NRXN3: variants seen among roughly 807,000 people sequenced by gnomAD.
NRXN3 encodes the protein neurexin 3, also known as neurexin III.
A neutral mutation model predicts 137.6 loss-of-function variants in NRXN3; 32 were observed. The ratio of observed to expected loss-of-function variants is 0.23; its 90% confidence interval spans 0.18 to 0.31. The LOEUF is 0.31. NRXN3 is among the 10% of genes least tolerant of loss of function. NRXN3 has a pLI of 1.00. For missense variants in NRXN3, 1,574 were observed against 2,062.5 expected (o/e 0.76, Z 4.59); for synonymous variants, 798 against 784.5 (o/e 1.02, Z -0.29).
In NRXN3 at chr14:79,663,248, G is replaced by A. The variant is rs543613954; in HGVS notation, c.3445-530G>A. On this transcript the variant is annotated intron_variant, in intron 16 of 20. Coordinates refer to ENST00000335750, the MANE Select transcript of NRXN3 (RefSeq NM_001330195.2). ...TATGTGCATGTGTGTGTGTGTACGC[G>A]TGTGTGTGTGTGTGTGTATATTTAT... Among the ~76,000 whole-genome samples the A allele has an allele frequency of 8.8e-4, 97 of 109,630 alleles. No individual in the cohort carries two copies. In the South Asian group the frequency reaches 0.01, roughly 12 times the overall value. 71.9% of individuals were successfully genotyped at this position (109,630 alleles called of 152,430 possible).
chr14:79,704,343 A>AAGAT (rs1230694289), intron 19 of NRXN3, among the ~76,000 whole-genome samples: 1 of 152,166 alleles, frequency 6.6e-6, no homozygotes, highest in Non-Finnish European at 1.5e-5. Context: ...ACTGGGAGAC[A>AAGAT]AGATAGATCC....
At chr14:79,546,813 T>C (rs1278241663) in intron 16 of NRXN3, among the ~76,000 whole-genome samples, 1 of 152,154 alleles carries the variant, frequency 6.6e-6, no homozygotes. Flanking sequence ...CCTGACAGGT[T>C]GTGTGTTTAT....
chr14:78,428,524 A>T (rs80325872), intron 4 of NRXN3, among the ~76,000 whole-genome samples: 2,109 of 152,258 alleles, frequency 0.014, 44 homozygotes, highest in African/African-American at 0.048. Flanking sequence ...CCTCTCTCCT[A>T]TTGAGAGAGA....
At chr14:79,131,860 G>A (rs746076330) in intron 15 of NRXN3, among the ~76,000 whole-genome samples, 3 of 152,244 alleles carry the variant, frequency 2.0e-5, no homozygotes, top group Non-Finnish European at 2.9e-5. Context: ...TCTGAGCCAG[G>A]TGTGGGATAT....
Position 78,383,884 on chromosome 14 carries a change from A to C in NRXN3, c.757+86024A>C, listed in dbSNP as rs115467354. ...TACCTTGACCTTATAAAATTCCCTG[A>C]TGAGGAATCTATCCCAGTAGCAGTA... On this transcript the variant is annotated intron_variant, in intron 4 of 20. Coordinates refer to ENST00000335750, the MANE Select transcript of NRXN3 (RefSeq NM_001330195.2). Among the ~76,000 whole-genome samples, 1,309 of 152,288 alleles carry C rather than the reference A, an allele frequency of 8.6e-3. 17 individuals are homozygous for C. Among genetic ancestry groups the C allele is most frequent in the African/African-American group, 0.03 (1,245 of 41,572 alleles).
At chr14:79,669,389 C>T (rs2098593352) in intron 17 of NRXN3, among the ~76,000 whole-genome samples, 1 of 152,116 alleles carries the variant, frequency 6.6e-6, no homozygotes, top group Non-Finnish European at 1.5e-5. Flanking sequence ...AACATTCAGT[C>T]ACAAAATGTA....
At chr14:78,819,414 T>C (rs1016640495) in intron 10 of NRXN3, among the ~76,000 whole-genome samples, 2 of 152,162 alleles carry the variant, frequency 1.3e-5, no homozygotes, top group Admixed American at 6.5e-5. Context: ...GCTATTTGCA[T>C]AGCATGTACA....
Position 79,728,126 on chromosome 14 carries a change from T to C in NRXN3, c.4014+30189T>C, listed in dbSNP as rs139013257. Among the ~76,000 whole-genome samples the C allele has an allele frequency of 8.5e-5, 13 of 152,082 alleles. No homozygotes were observed. In the East Asian group the frequency reaches 1.6e-3, roughly 18 times the overall value. On this transcript the variant is annotated intron_variant, in intron 19 of 20. Coordinates refer to ENST00000335750, the MANE Select transcript of NRXN3 (RefSeq NM_001330195.2). Reference sequence around the variant, plus strand: ...AGGGTAGAGTACTTTAGAGCAAGAGTAGTCCTGCGGTATGTTAACTGAGTA... The same window carrying C: ...AGGGTAGAGTACTTTAGAGCAAGAGCAGTCCTGCGGTATGTTAACTGAGTA...
At chr14:79,255,473 G>A (rs2076455581) in intron 15 of NRXN3, among the ~76,000 whole-genome samples, 1 of 152,206 alleles carries the variant, frequency 6.6e-6, no homozygotes, top group African/African-American at 2.4e-5. Flanking sequence ...TTTAATCCCT[G>A]TGTGACCTTG....
chr14:79,260,525 T>C (rs2077440662), intron 15 of NRXN3, among the ~76,000 whole-genome samples: 1 of 152,034 alleles, frequency 6.6e-6, no homozygotes, highest in African/African-American at 2.4e-5. Context: ...ACAACATAGG[T>C]GTATATTGTC....
intron 4 of NRXN3, among the ~76,000 whole-genome samples, chr14:78,642,510 AT>A (rs1398166621): frequency 1.3e-5 from 2 of 152,114 alleles, no homozygotes; most frequent in African/African-American, 4.8e-5. Context: ...TTCCTTGCTC[AT>A]TTTTCTCAGT....
intron 15 of NRXN3, among the ~76,000 whole-genome samples, chr14:79,256,851 T>C: frequency 6.6e-6 from 1 of 152,140 alleles, no homozygotes; most frequent in East Asian, 1.9e-4. Flanking sequence ...AAGCAATGTT[T>C]AAAGTGTGTG....
intron 4 of NRXN3, among the ~76,000 whole-genome samples, chr14:78,563,677 TC>T (rs2096808996): frequency 6.6e-6 from 1 of 152,222 alleles, no homozygotes; most frequent in Non-Finnish European, 1.5e-5. Flanking sequence ...GTCTAGCCCA[TC>T]CACCTTCATG....
chr14:78,938,944 C>T (rs1476844378), intron 10 of NRXN3, among the ~76,000 whole-genome samples: 1 of 150,216 alleles, frequency 6.7e-6, no homozygotes, highest in Non-Finnish European at 1.5e-5. Flanking sequence ...CCCTGGGGTT[C>T]ACGCCATTCT....
intron 19 of NRXN3, among the ~76,000 whole-genome samples, chr14:79,744,131 T>G (rs2098971592): frequency 6.6e-6 from 1 of 152,194 alleles, no homozygotes; most frequent in Non-Finnish European, 1.5e-5. Context: ...CCACCTGTTT[T>G]TAACCAAATG....
intron 4 of NRXN3, among the ~76,000 whole-genome samples, chr14:78,393,082 G>A (rs1196120755): frequency 1.3e-5 from 2 of 152,080 alleles, no homozygotes; most frequent in African/African-American, 4.8e-5. Context: ...CCAGAAAAGA[G>A]AAAACCATTC....
At position 79,864,839 on chromosome 14, in the gene NRXN3, C is replaced by T. The variant is rs1342246980; in HGVS notation, c.*2875C>T. ...CGATCTCGGCTCACTGCAAGCTCCGCCTCCCGGGTTCACACCATTCTCCTG... is the reference window on the plus strand; with the variant it reads ...CGATCTCGGCTCACTGCAAGCTCCGTCTCCCGGGTTCACACCATTCTCCTG... On this transcript the variant is annotated 3_prime_UTR_variant, in exon 21 of 21. Coordinates refer to ENST00000335750, the MANE Select transcript of NRXN3 (RefSeq NM_001330195.2). 1.3e-5 allele frequency: 2 copies of T among 152,008 alleles called. No individual in the cohort carries two copies. Among genetic ancestry groups the T allele is most frequent in the Admixed American group, 1.3e-4 (2 of 15,252 alleles). The allele number at this position is 152,008 out of a possible 1,614,324, so 9.4% of individuals were successfully genotyped here.
rs1303681058 is a variant in NRXN3 at position 79,865,978 on chromosome 14, T to C, written c.*4014T>C. 1 of 152,218 alleles carries C rather than the reference T, an allele frequency of 6.6e-6. No homozygotes were observed. The highest frequency in any genetic ancestry group is 1.5e-5 in the Non-Finnish European group (1 of 68,030). 9.4% of individuals were successfully genotyped at this position (152,218 alleles called of 1,614,324 possible). On this transcript the variant is annotated 3_prime_UTR_variant, in exon 21 of 21. Transcript: ENST00000335750. ...CTAATATATAATTCTAGGACTACTT[T>C]AAGCATTCACTTTTTCTTTAATTCA... is the stretch of plus-strand genomic sequence containing the variant.
intron 4 of NRXN3, 115 bp downstream of exon 4, chr14:78,297,975 C>A: frequency 7.9e-7 from 1 of 1,260,528 alleles, no homozygotes; most frequent in Non-Finnish European, 1.1e-6. Flanking sequence ...GTCCTTCCTG[C>A]GCTGGGCCAG....
Sources: gnomAD v4.1 joint callset for allele counts (sites outside exome capture counted in the v4.1 genomes callset) on GRCh38, gnomAD v4.1.1 for gene constraint, MANE v1.5 for transcripts, NCBI Gene and HGNC (gene_info 2026-07-23, HGNC 2026-07-21) for gene names.